The following SEMA3E variants were observed in gnomAD, a reference collection of about 807,000 sequenced individuals.
The protein encoded by SEMA3E is semaphorin-3E.
Under a neutral mutation model 93.6 loss-of-function variants are expected in SEMA3E, and 49 were observed. The observed-to-expected ratio is 0.52, with a 90% CI of 0.42 to 0.66. The LOEUF (loss-of-function observed/expected upper bound fraction) is 0.66. SEMA3E is among the 30% of genes least tolerant of loss of function. The probability of loss-of-function intolerance (pLI) is 0.00; values close to 1 mark genes in which losing one functional copy is unlikely to be tolerated. For synonymous variants in SEMA3E, 363 were observed against 330.7 expected, an observed-to-expected ratio of 1.10 and a Z score of -1.06; for missense variants, 906 against 964.8, an observed-to-expected ratio of 0.94 and a Z score of 0.81.
intron 16 of SEMA3E, among the ~76,000 whole-genome samples, chr7:83,376,410 T>C (rs1003765686): frequency 6.6e-6 from 1 of 152,208 alleles, no homozygotes; most frequent in South Asian, 2.1e-4. Flanking sequence ...GTGCACTCCA[T>C]TTTTCATTGT....
intron 3 of SEMA3E, among the ~76,000 whole-genome samples, chr7:83,468,168 T>C (rs1789813493): frequency 6.6e-6 from 1 of 152,190 alleles, no homozygotes; most frequent in African/African-American, 2.4e-5. Context: ...TTGGCTAGAA[T>C]GAGGAGTGCA....
Position 83,402,761 on chromosome 7 carries a change from C to G in SEMA3E, c.1014G>C (p.Gly338=), listed in dbSNP as rs772718647. The change falls in exon 10 of 17, where the codon GGG becomes GGC. Residue 338 remains glycine (G), a synonymous_variant. Transcript: ENST00000643230. ...ACATGTGATAGACACATATAGCATG[C>G]CCTCGAAAAATATTACTGAAAAATA... ...LFNTTSNIFR[G]HAICVYHMSS... is the part of the protein sequence containing the mutation. 2 of 1,612,218 alleles carry G rather than the reference C, an allele frequency of 1.2e-6. No individual in the cohort carries two copies. Among genetic ancestry groups the G allele is most frequent in the African/African-American group, 2.7e-5 (2 of 74,792 alleles).
At chr7:83,543,602 G>C (rs1254851618) in intron 1 of SEMA3E, among the ~76,000 whole-genome samples, 2 of 152,070 alleles carry the variant, frequency 1.3e-5, no homozygotes, top group African/African-American at 4.8e-5. Flanking sequence ...AAAAATGCTT[G>C]TTGATTCCCT....
At position 83,648,911 on chromosome 7, in the gene SEMA3E, C is replaced by T. The variant is rs302114; in HGVS notation, c.-369G>A. Reference sequence around the variant, plus strand: ...AAAAAAAAAAAAAGAGAGAAAAAAACAAAACCGAGCACACGCACTCCCTTC... The same window carrying T: ...AAAAAAAAAAAAAGAGAGAAAAAAATAAAACCGAGCACACGCACTCCCTTC... On this transcript the variant is annotated 5_prime_UTR_variant, in exon 1 of 17. Transcript: ENST00000643230. The T allele has an allele frequency of 5.8e-6, 1 of 172,158 alleles. No homozygotes were observed. Among genetic ancestry groups the T allele is most frequent in the Non-Finnish European group, 1.2e-5 (1 of 85,416 alleles). The allele number at this position is 172,158 out of a possible 1,614,324, so 10.7% of individuals were successfully genotyped here. A position where few individuals can be genotyped will look rare whatever the true frequency, so the allele number is the denominator to read the frequency against.
At chr7:83,620,934 C>G (rs1793543627) in intron 1 of SEMA3E, among the ~76,000 whole-genome samples, 1 of 152,124 alleles carries the variant, frequency 6.6e-6, no homozygotes. Flanking sequence ...AAAACCAGCA[C>G]AAGGCAAGAA....
intron 1 of SEMA3E, among the ~76,000 whole-genome samples, chr7:83,584,580 T>C (rs189825361): frequency 6.6e-6 from 1 of 152,254 alleles, no homozygotes; most frequent in Admixed American, 6.5e-5. Context: ...AAGCACCAGC[T>C]CAGAACGTTC....
At chr7:83,382,549 A>ATT (rs1355600906) in intron 16 of SEMA3E, among the ~76,000 whole-genome samples, 1 of 151,970 alleles carries the variant, frequency 6.6e-6, no homozygotes, top group Non-Finnish European at 1.5e-5. Flanking sequence ...CATATAAATA[A>ATT]TAGCCTCAGT....
chr7:83,593,781 C>T (rs559772496), intron 1 of SEMA3E, among the ~76,000 whole-genome samples: 209 of 152,030 alleles, frequency 1.4e-3, no homozygotes, highest in African/African-American at 4.7e-3. Flanking sequence ...AAAGAGAGTT[C>T]GGATGTACAG....
chr7:83,483,022 A>G (rs1198216025), intron 2 of SEMA3E, among the ~76,000 whole-genome samples: 1 of 152,088 alleles, frequency 6.6e-6, no homozygotes, highest in South Asian at 2.1e-4. Flanking sequence ...TGCTCAGCTC[A>G]AAAAATTTAG....
chr7:83,518,814 T>C (rs887910881), intron 1 of SEMA3E, among the ~76,000 whole-genome samples: 2 of 152,090 alleles, frequency 1.3e-5, no homozygotes, highest in African/African-American at 4.8e-5. Context: ...TTCTCCTTTC[T>C]ACTATTTCAC....
intron 1 of SEMA3E, among the ~76,000 whole-genome samples, chr7:83,562,931 T>G (rs2115840680): frequency 6.6e-6 from 1 of 152,314 alleles, no homozygotes; most frequent in South Asian, 2.1e-4. Flanking sequence ...ACCAGTTGCC[T>G]TCAAGGATGT....
At chr7:83,506,910 G>C (rs1002234769) in intron 1 of SEMA3E, among the ~76,000 whole-genome samples, 2 of 152,186 alleles carry the variant, frequency 1.3e-5, no homozygotes, top group African/African-American at 4.8e-5. Context: ...TTCTAGACGA[G>C]CAATTTATTA....
intron 4 of SEMA3E, among the ~76,000 whole-genome samples, chr7:83,427,346 G>A (rs946451999): frequency 2.0e-5 from 3 of 151,770 alleles, no homozygotes; most frequent in African/African-American, 7.3e-5. Context: ...TTTGTTCCAT[G>A]GTTTTAGAGC....
chr7:83,391,926 G>A (rs1410031458), intron 14 of SEMA3E, among the ~76,000 whole-genome samples: 3 of 151,940 alleles, frequency 2.0e-5, no homozygotes, highest in Non-Finnish European at 4.4e-5. Context: ...TTTTTTTCCT[G>A]AGGTATTTCC....
At chr7:83,438,786 T>C (rs974128780) in intron 4 of SEMA3E, among the ~76,000 whole-genome samples, 2 of 152,026 alleles carry the variant, frequency 1.3e-5, no homozygotes, top group African/African-American at 4.8e-5. Context: ...GTAAGATAAA[T>C]AGGAGAATGC....
intron 5 of SEMA3E, among the ~76,000 whole-genome samples, chr7:83,415,391 A>G (rs1788520902): frequency 6.6e-6 from 1 of 152,104 alleles, no homozygotes; most frequent in Non-Finnish European, 1.5e-5. Flanking sequence ...ACAAAGACGC[A>G]TTGGAAGAGC....
At position 83,364,139 on chromosome 7, in the gene SEMA3E, C is replaced by A. The variant is rs1436847148; in HGVS notation, c.*3447G>T. On this transcript the variant is annotated 3_prime_UTR_variant, in exon 17 of 17. Transcript: ENST00000643230. ...TCGATCTCCTGACCTCATGATCCAC[C>A]CGCCTCGGCCTCCCAAAGTGCTGGG... 1 of 151,566 alleles carries A rather than the reference C, an allele frequency of 6.6e-6. No individual in the cohort carries two copies. Among genetic ancestry groups the A allele is most frequent in the Non-Finnish European group, 1.5e-5 (1 of 67,936 alleles). The allele number at this position is 151,566 out of a possible 1,614,324, so 9.4% of individuals were successfully genotyped here.
intron 4 of SEMA3E, among the ~76,000 whole-genome samples, chr7:83,452,260 T>C (rs926085936): frequency 6.6e-6 from 1 of 152,172 alleles, no homozygotes; most frequent in African/African-American, 2.4e-5. Context: ...TGGGCAAAGA[T>C]GGCTTTGGAG....
intron 1 of SEMA3E, among the ~76,000 whole-genome samples, chr7:83,492,818 A>C (rs1238702059): frequency 6.6e-6 from 1 of 151,936 alleles, no homozygotes; most frequent in African/African-American, 2.4e-5. Context: ...TTACTGGAGA[A>C]ACCTGGGTGC....
Sources: allele counts gnomAD v4.1 joint callset (sites outside exome capture counted in the v4.1 genomes callset), GRCh38; gene constraint gnomAD v4.1.1; transcripts MANE v1.5; gene names NCBI Gene and HGNC (gene_info 2026-07-23, HGNC 2026-07-21).